IQCE: variants seen among roughly 807,000 people sequenced by gnomAD.
The protein encoded by IQCE is IQ motif containing E, also known as IQ domain-containing protein E.
In IQCE, 115 loss-of-function variants were observed where a neutral mutation model predicts 96.0. That is an observed-to-expected ratio of 1.20 (90% CI 1.03 to 1.40). The LOEUF (loss-of-function observed/expected upper bound fraction) is 1.40, where lower values mean the gene tolerates loss of function less well. Ranked by LOEUF, IQCE falls within the 40% of genes most tolerant of loss-of-function variation. The pLI is 0.00. For missense variants in IQCE, 1,041 were observed against 909.1 expected, an observed-to-expected ratio of 1.15 and a Z score of -1.87; for synonymous variants, 412 against 371.2, an observed-to-expected ratio of 1.11 and a Z score of -1.26.
At chr7:2,577,503 T>TGTGTGTGCGGGGAC (rs1240815208) in intron 6 of IQCE, among the ~76,000 whole-genome samples, 2 of 136,212 alleles carry the variant, frequency 1.5e-5, no homozygotes, top group African/African-American at 5.9e-5. Context: ...TGTGCGTGGC[T>TGTGTGTGCGGGGAC]GTGTGTGCGG....
chr7:2,562,093 T>TCATG (rs1402467979), intron 1 of IQCE, among the ~76,000 whole-genome samples: 1 of 152,226 alleles, frequency 6.6e-6, no homozygotes. Flanking sequence ...AGTATCTTTA[T>TCATG]CATGAATGAG....
At chr7:2,568,893 G>A (rs1013262733) in intron 2 of IQCE, 61 bp from the exon 3 acceptor site, 203 of 1,460,312 alleles carry the variant, frequency 1.4e-4, no homozygotes, top group Non-Finnish European at 1.9e-4. Context: ...ACATGGTAGG[G>A]TCTTGTGATG....
In IQCE at chr7:2,589,990, T is replaced by C; in HGVS notation, c.1128T>C (p.Ser376=). The change falls in exon 14 of 22, where the codon TCT becomes TCC. Residue 376 remains serine, a synonymous_variant. Coordinates refer to ENST00000402050, the MANE Select transcript of IQCE (RefSeq NM_152558.5). Reference sequence around the variant, plus strand: ...CGCCAGCCTGCCTTGCATCCAGCTCTGCGCTGCACAGACAGCCACGAGGGG... The same window carrying C: ...CGCCAGCCTGCCTTGCATCCAGCTCCGCGCTGCACAGACAGCCACGAGGGG... ...SHPPACLASS[S]ALHRQPRGDR... The C allele has an allele frequency of 6.2e-7, 1 of 1,613,950 alleles. No individual in the cohort carries two copies. The highest frequency in any genetic ancestry group is 8.5e-7 in the Non-Finnish European group (1 of 1,180,020).
At chr7:2,610,011 G>T in intron 21 of IQCE, 33 bp from the exon 22 acceptor site, 1 of 1,251,228 alleles carries the variant, frequency 8.0e-7, no homozygotes, top group South Asian at 1.2e-5. Context: ...GGTCAGCGTG[G>T]CTGACCCCTC....
intron 14 of IQCE, among the ~76,000 whole-genome samples, chr7:2,591,372 G>T (rs1197275234): frequency 6.6e-6 from 1 of 152,196 alleles, no homozygotes; most frequent in African/African-American, 2.4e-5. Flanking sequence ...GGAACACCCG[G>T]CCTGGCTCCT....
intron 18 of IQCE, among the ~76,000 whole-genome samples, chr7:2,603,682 C>G (rs1311887445): frequency 6.6e-6 from 1 of 152,228 alleles, no homozygotes; most frequent in African/African-American, 2.4e-5. Context: ...TCTGGGCAGC[C>G]TCCACATGGT....
chr7:2,588,069 G>A (rs778510706), intron 13 of IQCE, among the ~76,000 whole-genome samples, 192 bp downstream of exon 13: 1 of 152,222 alleles, frequency 6.6e-6, no homozygotes, highest in African/African-American at 2.4e-5. Context: ...CCCTCGCTGG[G>A]CTGTGAGCTT....
At chr7:2,571,203 G>T (rs1781729836) in intron 3 of IQCE, among the ~76,000 whole-genome samples, 1 of 152,016 alleles carries the variant, frequency 6.6e-6, no homozygotes, top group African/African-American at 2.4e-5. Flanking sequence ...ATTTTTTATA[G>T]AGACAGGGTC....
At chr7:2,563,145 C>G (rs991550851) in intron 1 of IQCE, among the ~76,000 whole-genome samples, 1 of 151,772 alleles carries the variant, frequency 6.6e-6, no homozygotes, top group Non-Finnish European at 1.5e-5. Flanking sequence ...AGGCTGGTCT[C>G]GAACTTCTGG....
chr7:2,593,140 G>C lies in IQCE; in HGVS notation c.1349+14G>C, dbSNP rs1303332689. ...GGAGGTTTTGAGGTATGTGACCCGG[G>C]TCAGGGCTGGAGAGGACCCAGGCGA... On this transcript the variant is annotated intron_variant, in intron 15 of 21. Coordinates refer to ENST00000402050, the MANE Select transcript of IQCE (RefSeq NM_152558.5). 1.9e-6 allele frequency: 3 copies of C among 1,606,428 alleles called. No homozygotes were observed. The African/African-American group carries it at 4.0e-5, about 21-fold the overall frequency.
At chr7:2,578,044 C>T (rs1272749066) in intron 6 of IQCE, among the ~76,000 whole-genome samples, 198 bp from the exon 7 acceptor site, 2 of 146,876 alleles carry the variant, frequency 1.4e-5, no homozygotes, top group African/African-American at 2.5e-5. Flanking sequence ...GCGGCGTGTG[C>T]GCATTGGCGT....
chr7:2,609,422 G>C (rs1785013545), intron 21 of IQCE, among the ~76,000 whole-genome samples: 1 of 151,706 alleles, frequency 6.6e-6, no homozygotes, highest in Non-Finnish European at 1.5e-5. Flanking sequence ...TGGGGTTACA[G>C]GCATGAGCCA....
At chr7:2,607,898 G>C (rs1307646492) in intron 21 of IQCE, among the ~76,000 whole-genome samples, 1 of 152,248 alleles carries the variant, frequency 6.6e-6, no homozygotes, top group Non-Finnish European at 1.5e-5. Flanking sequence ...GGGAGATGGA[G>C]AAGGGCAGCC....
chr7:2,606,074 G>T, intron 20 of IQCE, 77 bp downstream of exon 20: 1 of 1,458,948 alleles, frequency 6.9e-7, no homozygotes, highest in Non-Finnish European at 9.1e-7. Context: ...CGGAGCACTG[G>T]GTGCAGGGCA....
chr7:2,583,516 C>A, intron 9 of IQCE, 121 bp from the exon 10 acceptor site: 1 of 524,286 alleles, frequency 1.9e-6, no homozygotes, highest in Non-Finnish European at 3.2e-6. Flanking sequence ...AGGCTTTTCC[C>A]TCCCATCCTG....
chr7:2,573,399 T>C lies in IQCE; in HGVS notation c.395-19T>C. 1 of 1,215,818 alleles carries C rather than the reference T, an allele frequency of 8.2e-7. No homozygotes were observed. The highest frequency in any genetic ancestry group is 1.9e-4 in the Middle Eastern group (1 of 5,328). The allele number at this position is 1,215,818 out of a possible 1,614,324, so 75.3% of individuals were successfully genotyped here. A position where few individuals can be genotyped will look rare whatever the true frequency, so the allele number is the denominator to read the frequency against. Reference sequence around the variant, plus strand: ...ACTTTGTAGATAGTCTTTGAAACGATTTGTTTATGTTTCTCTAGGTCATGT... The same window carrying C: ...ACTTTGTAGATAGTCTTTGAAACGACTTGTTTATGTTTCTCTAGGTCATGT... On this transcript the variant is annotated intron_variant, in intron 5 of 21. Coordinates refer to ENST00000402050, the MANE Select transcript of IQCE (RefSeq NM_152558.5).
chr7:2,568,709 G>T (rs554810776), intron 2 of IQCE, among the ~76,000 whole-genome samples: 1 of 152,164 alleles, frequency 6.6e-6, no homozygotes, highest in Non-Finnish European at 1.5e-5. Context: ...GCCCGGGCCC[G>T]ATGGTTTTCT....
chr7:2,560,873 C>T (rs532263936), intron 1 of IQCE, among the ~76,000 whole-genome samples: 28 of 138,730 alleles, frequency 2.0e-4, no homozygotes, highest in African/African-American at 6.1e-4. Flanking sequence ...AGGAGAATGG[C>T]GTGAACCCAG....
intron 1 of IQCE, among the ~76,000 whole-genome samples, chr7:2,561,079 T>C (rs1780916974): frequency 9.9e-6 from 1 of 100,730 alleles, no homozygotes; most frequent in Admixed American, 1.0e-4. Context: ...TGCCTCAGCC[T>C]CCTCAGTAGC....
Sources: gnomAD v4.1 joint callset for allele counts (sites outside exome capture counted in the v4.1 genomes callset) on GRCh38, gnomAD v4.1.1 for gene constraint, MANE v1.5 for transcripts, NCBI Gene and HGNC (gene_info 2026-07-23, HGNC 2026-07-21) for gene names.